Variants in TAB2 observed in about 807,000 individuals in gnomAD.
TAB2 encodes TGF-beta activated kinase 1 (MAP3K7) binding protein 2.
Under a neutral mutation model 65.0 loss-of-function variants are expected in TAB2, and 3 were observed. The observed-to-expected ratio is 0.05, with a 90% confidence interval of 0.02 to 0.12. The LOEUF (loss-of-function observed/expected upper bound fraction) is 0.12, where lower values mean the gene tolerates loss of function less well. Among genes scored for constraint, TAB2 ranks in the 10% least tolerant of loss-of-function variants. The probability of loss-of-function intolerance (pLI) is 1.00; values close to 1 mark genes in which losing one functional copy is unlikely to be tolerated. For missense variants in TAB2, 623 were observed against 840.3 expected (o/e 0.74, Z 3.20); for synonymous variants, 298 against 285.1 (o/e 1.05, Z -0.46).
At chr6:149,397,928 G>A in intron 4 of TAB2, 41 bp from the exon 5 acceptor site, 1 of 1,596,228 alleles carries the variant, frequency 6.3e-7, no homozygotes. Context: ...TAATGACTAA[G>A]AATTCAGTGC....
At chr6:149,338,106 G>A (rs925388588) in intron 1 of TAB2, among the ~76,000 whole-genome samples, 7 of 152,148 alleles carry the variant, frequency 4.6e-5, no homozygotes, top group Non-Finnish European at 8.8e-5. Flanking sequence ...GAAAGGTAAC[G>A]TGTATATTGT....
At chr6:149,407,236 T>C (rs1453159080) in intron 6 of TAB2, among the ~76,000 whole-genome samples, 1 of 152,180 alleles carries the variant, frequency 6.6e-6, no homozygotes, top group Admixed American at 6.5e-5. Context: ...CTCTAAAATA[T>C]GCAAGATGTG....
upstream of TAB2, among the ~76,000 whole-genome samples, chr6:149,315,710 G>T (rs1451015729): frequency 2.0e-5 from 3 of 152,132 alleles, no homozygotes; most frequent in Non-Finnish European, 4.4e-5. Flanking sequence ...CATTGGTCAT[G>T]ATTTAAAAAT....
chr6:149,286,509 C>T (rs1311949483), intron 1 of TAB2, among the ~76,000 whole-genome samples: 1 of 152,206 alleles, frequency 6.6e-6, no homozygotes, highest in Non-Finnish European at 1.5e-5. Context: ...CTGGTTCAAA[C>T]TTTTTGGAGA....
chr6:149,271,964 C>A (rs560620066), intron 1 of TAB2, among the ~76,000 whole-genome samples: 22 of 152,242 alleles, frequency 1.4e-4, no homozygotes, highest in African/African-American at 4.6e-4. Flanking sequence ...GACGCCCACA[C>A]AAAACCCACA....
intron 1 of TAB2, among the ~76,000 whole-genome samples, chr6:149,253,958 A>AAGAAAAAGAAAGAAAG (rs1403666068): frequency 2.2e-4 from 17 of 76,366 alleles, no homozygotes; most frequent in Admixed American, 4.6e-4. Context: ...GAAAGAAAGA[A>AAGAAAAAGAAAGAAAG]AAAGAAAGAA....
At chr6:149,374,545 C>T (rs1781339282) in intron 2 of TAB2, among the ~76,000 whole-genome samples, 1 of 152,134 alleles carries the variant, frequency 6.6e-6, no homozygotes, top group Non-Finnish European at 1.5e-5. Context: ...TGGGACATTC[C>T]AGTATTACTG....
At chr6:149,317,445 TC>T, upstream of TAB2, 1 of 171,324 alleles carries the variant, frequency 5.8e-6, no homozygotes, top group Non-Finnish European at 1.2e-5. This position sits in a 1 kb window ranked among gnomAD's most constrained non-coding sequence, Gnocchi z 4.7. Context: ...CGCCTGCTGC[TC>T]CCCCGCCGTT....
At chr6:149,369,378 A>T (rs1301057949) in intron 1 of TAB2, among the ~76,000 whole-genome samples, 1 of 152,202 alleles carries the variant, frequency 6.6e-6, no homozygotes, top group African/African-American at 2.4e-5. Context: ...ATAGAAGCAG[A>T]GGGAATAAAA....
intron 6 of TAB2, chr6:149,400,275 T>TCTC: frequency 8.6e-7 from 1 of 1,159,466 alleles, no homozygotes; most frequent in Non-Finnish European, 1.2e-6. Context: ...GCACGCACCC[T>TCTC]CTCCCTCATC....
rs1305415330 is a variant in TAB2 at position 149,378,813 on chromosome 6, T to A, written c.898T>A (p.Ser300Thr). ...PTTSQPPTIHSSGSSQSSAHS... is the reference protein window; with the variant it reads ...PTTSQPPTIHTSGSSQSSAHS... ...TACTTCACAACCACCAACCATTCAT[T>A]CATCTGGTAGCTCACAGTCTTCTGC... Residue 300 changes from serine (S) to threonine (T), a missense_variant, in exon 3 of 7, where the codon TCA (serine) becomes ACA (threonine). Physicochemically the swap from Ser to Thr is moderately conservative, Grantham distance 58 (BLOSUM62 1). Around this residue, in one of 3 missense-constraint regions of TAB2, gnomAD observed 550 missense variants for 665.7 expected, o/e 0.83. Coordinates refer to ENST00000637181, the MANE Select transcript of TAB2 (RefSeq NM_001292034.3). 1 of 1,614,066 alleles carries A rather than the reference T, an allele frequency of 6.2e-7. No homozygotes were observed. The highest frequency in any genetic ancestry group is 8.5e-7 in the Non-Finnish European group (1 of 1,180,052).
intron 3 of TAB2, among the ~76,000 whole-genome samples, chr6:149,380,914 T>G (rs911744112): frequency 6.6e-6 from 1 of 152,194 alleles, no homozygotes; most frequent in African/African-American, 2.4e-5. Context: ...CAAGCTGGGT[T>G]GTGGTCCTTT....
intron 1 of TAB2, among the ~76,000 whole-genome samples, chr6:149,266,268 T>C (rs1010211453): frequency 6.6e-6 from 1 of 152,212 alleles, no homozygotes; most frequent in African/African-American, 2.4e-5. Flanking sequence ...TCACAGGTTG[T>C]CCGTGTGTCT....
chr6:149,409,749 C>G lies in TAB2; in HGVS notation c.*30C>G, dbSNP rs752362410. On this transcript the variant is annotated 3_prime_UTR_variant, in exon 7 of 7. Transcript: ENST00000637181. ...AATGGCCCTGTATCTTCTCTAAAAC[C>G]ACATCTAAAGTTCAAGAAACTAGTC... is the stretch of plus-strand genomic sequence containing the variant. 1 of 1,613,546 alleles carries G rather than the reference C, an allele frequency of 6.2e-7. No individual in the cohort carries two copies.
chr6:149,357,426 AAAAAACACACAC>A (rs1780693529), intron 1 of TAB2, among the ~76,000 whole-genome samples: 2 of 73,628 alleles, frequency 2.7e-5, no homozygotes, highest in African/African-American at 1.4e-4. Flanking sequence ...AAGGAGAAAA[AAAAAACACACAC>A]ACACACACAC....
chr6:149,407,980 C>T (rs892182787), intron 6 of TAB2, among the ~76,000 whole-genome samples: 35 of 151,974 alleles, frequency 2.3e-4, no homozygotes, highest in Admixed American at 5.9e-4. Context: ...AAAATTTTAA[C>T]CTTTGCAGTT....
At chr6:149,409,111 C>G (rs1782758208) in intron 6 of TAB2, among the ~76,000 whole-genome samples, 1 of 152,134 alleles carries the variant, frequency 6.6e-6, no homozygotes, top group African/African-American at 2.4e-5. Flanking sequence ...CCAAGGCTTA[C>G]ATTTTTGGCA....
intron 1 of TAB2, among the ~76,000 whole-genome samples, chr6:149,279,525 G>C (rs1409865052): frequency 6.6e-6 from 1 of 152,144 alleles, no homozygotes; most frequent in African/African-American, 2.4e-5. Flanking sequence ...ACATTGTTTT[G>C]CTTGTCACAA....
At chr6:149,409,105 G>A (rs966787956) in intron 6 of TAB2, among the ~76,000 whole-genome samples, 2 of 152,130 alleles carry the variant, frequency 1.3e-5, no homozygotes, top group Non-Finnish European at 2.9e-5. Flanking sequence ...TGTCATCCAA[G>A]GCTTACATTT....
Sources: gnomAD v4.1 joint callset for allele counts (sites outside exome capture counted in the v4.1 genomes callset) on GRCh38, gnomAD v4.1.1 for gene constraint, gnomAD v4.1.1 regional missense constraint, Gnocchi (gnomAD v3.1) non-coding constraint, MANE v1.5 for transcripts, NCBI Gene and HGNC (gene_info 2026-07-23, HGNC 2026-07-21) for gene names.